EEF2: variants seen among roughly 807,000 people sequenced by gnomAD.
The protein encoded by EEF2 is elongation factor 2.
In EEF2, 21 loss-of-function variants were observed where a neutral mutation model predicts 85.3. The observed-to-expected ratio is 0.25, with a 90% CI of 0.17 to 0.35. The LOEUF (loss-of-function observed/expected upper bound fraction) is 0.35, where lower values mean the gene tolerates loss of function less well. EEF2 is among the 10% of genes least tolerant of loss of function. The pLI is 1.00. For missense variants in EEF2, 825 were observed against 1,225.3 expected (o/e 0.67, Z 4.88); for synonymous variants, 723 against 508.8 (o/e 1.42, Z -5.67).
chr19:3,984,438 C>T (rs2039793972), intron 1 of EEF2, 88 bp from the exon 2 acceptor site: 6 of 1,431,648 alleles, frequency 4.2e-6, no homozygotes, highest in Admixed American at 1.7e-5. Flanking sequence ...AACCAGCATG[C>T]CCAAGGCCAG....
Position 3,982,810 on chromosome 19 carries a change from G to C in EEF2, c.609C>G (p.Ile203Met). Residue 203 changes from isoleucine (I) to methionine (M), a missense_variant, in exon 4 of 15, where the codon ATC becomes ATG. Ile to Met is a conservative substitution (Grantham distance 10). Transcript: ENST00000309311. ...ACCCAGCTAGGGAGGGCCGTACCATGATGTTGCCCATGGGGCCGCTCTCGC... is the reference window on the plus strand; with the variant it reads ...ACCCAGCTAGGGAGGGCCGTACCATCATGTTGCCCATGGGGCCGCTCTCGC... Reference protein sequence around the residue: ...GEGESGPMGNIMIDPVLGTVG... With the variant: ...GEGESGPMGNMMIDPVLGTVG... The C allele has an allele frequency of 6.2e-7, 1 of 1,610,134 alleles. No homozygotes were observed. Among genetic ancestry groups the C allele is most frequent in the Non-Finnish European group, 8.5e-7 (1 of 1,178,938 alleles).
At position 3,982,000 on chromosome 19, in the gene EEF2, C is replaced by G; in HGVS notation, c.844G>C (p.Gly282Arg). Reference protein sequence around the residue: ...KFSKSATSPEGKKLPRTFCQL... With the variant: ...KFSKSATSPERKKLPRTFCQL... ...CAGAAGGTGCGTGGCAGCTTCTTCC[C>G]TTCGGGGCTGGTGGCTGACTTGCTG... The change falls in exon 6 of 15, where the codon GGG becomes CGG. Residue 282 changes from glycine to arginine, a missense_variant. Gly to Arg is a moderately radical substitution (Grantham distance 125, BLOSUM62 -2). Transcript: ENST00000309311. 6.2e-7 allele frequency: 1 copy of G among 1,614,180 alleles called. No homozygotes were observed. The highest frequency in any genetic ancestry group is 8.5e-7 in the Non-Finnish European group (1 of 1,180,024).
intron 11 of EEF2, among the ~76,000 whole-genome samples, chr19:3,978,896 G>A (rs1272187122): frequency 6.7e-6 from 1 of 148,900 alleles, no homozygotes; most frequent in East Asian, 2.0e-4. Flanking sequence ...CCGAGGCAGG[G>A]GGATCACGAG....
At chr19:3,978,802 TCAAAAAAAAA>T in intron 11 of EEF2, among the ~76,000 whole-genome samples, 1 of 4,584 alleles carries the variant, frequency 2.2e-4, no homozygotes, top group African/African-American at 1.5e-3. Context: ...GACTCTTGTC[TCAAAAAAAAA>T]AAAAAAAAAA....
At chr19:3,980,174 G>A (rs1275308482) in intron 9 of EEF2, 108 bp from the exon 10 acceptor site, 3 of 1,467,902 alleles carry the variant, frequency 2.0e-6, no homozygotes, top group Non-Finnish European at 2.7e-6. Flanking sequence ...CAGGTCCCAG[G>A]GCAGACTGGT....
intron 4 of EEF2, 182 bp from the exon 5 acceptor site, chr19:3,982,606 G>C: frequency 9.5e-7 from 1 of 1,050,374 alleles, no homozygotes; most frequent in South Asian, 1.4e-5. Context: ...CCAGGGCAGC[G>C]TTCCCTGAGC....
chr19:3,982,758 T>A, intron 4 of EEF2, 49 bp downstream of exon 4: 1 of 1,567,894 alleles, frequency 6.4e-7, no homozygotes, highest in South Asian at 1.1e-5. Context: ...CACCGGCTCC[T>A]GCAGATCCCG....
At position 3,976,128 on chromosome 19, in the gene EEF2, G is replaced by A. The variant is rs1568197616; in HGVS notation, c.*426C>T. On this transcript the variant is annotated 3_prime_UTR_variant, in exon 15 of 15. Transcript: ENST00000309311. ...AGGTGCTCATGGTGACACCGCACAG[G>A]ACTTCCTGCCTGCTAGAAATCATCT... is the stretch of plus-strand genomic sequence containing the variant. 4.5e-6 allele frequency: 1 copy of A among 219,912 alleles called. No individual in the cohort carries two copies. Among genetic ancestry groups the A allele is most frequent in the Non-Finnish European group, 9.2e-6 (1 of 108,388 alleles). 13.6% of individuals were successfully genotyped at this position (219,912 alleles called of 1,614,324 possible).
rs966682807 is a variant in EEF2, at chr19:3,982,010, G to A, written c.834C>T (p.Thr278=). ...GTGGCAGCTTCTTCCCTTCGGGGCT[G>A]GTGGCTGACTTGCTGAACTTGCCGT... is the stretch of plus-strand genomic sequence containing the variant. The part of the protein sequence containing the change: ...PANGKFSKSA[T]SPEGKKLPRT... Residue 278 remains threonine, a synonymous_variant, in exon 6 of 15, where the codon ACC becomes ACT. Transcript: ENST00000309311. 3.7e-6 allele frequency: 6 copies of A among 1,614,076 alleles called. No homozygotes were observed. Among genetic ancestry groups the A allele is most frequent in the East Asian group, 4.5e-5 (2 of 44,894 alleles).
At position 3,985,359 on chromosome 19, in the gene EEF2, G is replaced by A; in HGVS notation, c.3+19C>T. ...GCCCCGCCGCCGCTCCGGGGCACCA[G>A]CGAGGCAGGGTTACTCACCATGGTG... On this transcript the variant is annotated intron_variant, in intron 1 of 14. Transcript: ENST00000309311. 3 of 1,479,556 alleles carry A rather than the reference G, an allele frequency of 2.0e-6. No homozygotes were observed. The highest frequency in any genetic ancestry group is 1.8e-6 in the Non-Finnish European group (2 of 1,108,192). 91.7% of individuals were successfully genotyped at this position (1,479,556 alleles called of 1,614,324 possible).
At chr19:3,981,116 C>T (rs965717241) in intron 7 of EEF2, 137 bp from the exon 8 acceptor site, 10 of 1,385,528 alleles carry the variant, frequency 7.2e-6, no homozygotes, top group African/African-American at 5.8e-5. Flanking sequence ...TTCTGGAAGG[C>T]GGCAAAGGCC....
chr19:3,984,444 G>A (rs1047811502), intron 1 of EEF2, 94 bp from the exon 2 acceptor site: 11 of 1,374,670 alleles, frequency 8.0e-6, no homozygotes, highest in African/African-American at 1.4e-5. Flanking sequence ...CATGCCCAAG[G>A]CCAGGAGGGG....
At position 3,982,422 on chromosome 19, in the gene EEF2, G is replaced by A. The variant is rs375130935; in HGVS notation, c.615C>T (p.Ile205=). The change falls in exon 5 of 15, where the codon ATC becomes ATT. Residue 205 remains isoleucine, a splice_region_variant and synonymous_variant. Transcript: ENST00000309311. ...GESGPMGNIM[I]DPVLGTVGFG... Reference sequence around the variant, plus strand: ...AGCCCACGGTACCGAGGACAGGATCGATCTGGAAGTGTGAGAAACGAGAAG... The same window carrying A: ...AGCCCACGGTACCGAGGACAGGATCAATCTGGAAGTGTGAGAAACGAGAAG... 1.4e-5 allele frequency: 22 copies of A among 1,613,920 alleles called. No individual in the cohort carries two copies. Among genetic ancestry groups the A allele is most frequent in the South Asian group, 4.4e-5 (4 of 91,090 alleles).
chr19:3,984,303 G>A lies in EEF2; in HGVS notation c.51C>T (p.Ala17=), dbSNP rs1347482144. The part of the protein sequence containing the change: ...DQIRAIMDKK[A]NIRNMSVIAH... Reference sequence around the variant, plus strand: ...CGATGACAGACATGTTGCGGATGTTGGCCTTCTTGTCCATGATGGCGCGGA... The same window carrying A: ...CGATGACAGACATGTTGCGGATGTTAGCCTTCTTGTCCATGATGGCGCGGA... The change falls in exon 2 of 15, where the codon GCC becomes GCT. Residue 17 remains alanine (A), a synonymous_variant. Coordinates refer to ENST00000309311, the MANE Select transcript of EEF2 (RefSeq NM_001961.4). 1.9e-6 allele frequency: 3 copies of A among 1,614,192 alleles called. No homozygotes were observed. Among genetic ancestry groups the A allele is most frequent in the Non-Finnish European group, 2.5e-6 (3 of 1,180,022 alleles).
chr19:3,982,052 C>T lies in EEF2; in HGVS notation c.792G>A (p.Arg264=). ...EDMMKKLWGD[R]YFDPANGKFS... The stretch of plus-strand genomic sequence containing the variant: ...ACTTGCCGTTGGCTGGGTCAAAGTA[C>T]CTGGCAAGGAGAGGCCAAGCCAAAT... Residue 264 remains arginine (R), a splice_region_variant and synonymous_variant, in exon 6 of 15, where the codon AGG becomes AGA. Coordinates refer to ENST00000309311, the MANE Select transcript of EEF2 (RefSeq NM_001961.4). The T allele has an allele frequency of 3.1e-6, 5 of 1,614,106 alleles. No individual in the cohort carries two copies. In the South Asian group the frequency reaches 4.4e-5, roughly 14 times the overall value.
rs777167717 is a variant in EEF2 at position 3,978,101 on chromosome 19, G to C, written c.1785C>G (p.Ser595=). The change falls in exon 12 of 15, where the codon TCC becomes TCG. Residue 595 remains serine, a synonymous_variant. Transcript: ENST00000309311. ...EESNVLCLSK[S]PNKHNRLYMK... ...TGTACAGCCGGTTGTGCTTGTTGGG[G>C]GACTTGGAGAGGCAGAGCACGTTCG... 2.2e-5 allele frequency: 33 copies of C among 1,530,750 alleles called. No individual in the cohort carries two copies. In the Middle Eastern group the frequency reaches 2.6e-3, roughly 120 times the overall value. The allele number at this position is 1,530,750 out of a possible 1,614,324, so 94.8% of individuals were successfully genotyped here.
At chr19:3,982,475 T>C in intron 4 of EEF2, 51 bp from the exon 5 acceptor site, 1 of 1,609,426 alleles carries the variant, frequency 6.2e-7, no homozygotes. Context: ...GCGCAGAGCC[T>C]GAAGCTACGG....
In EEF2 at chr19:3,980,989, C is replaced by T; in HGVS notation, c.1012-10G>A. 1 of 1,566,376 alleles carries T rather than the reference C, an allele frequency of 6.4e-7. No homozygotes were observed. ...AGCGGCGCATCACAGCCTGCGGGGG[C>T]AGAGAGCGGTGCATGAGACACCTGG... On this transcript the variant is annotated splice_polypyrimidine_tract_variant and intron_variant, in intron 7 of 14. Coordinates refer to ENST00000309311, the MANE Select transcript of EEF2 (RefSeq NM_001961.4).
rs747539895 is a variant in EEF2, at chr19:3,982,801, C to G, written c.612+6G>C. 6.2e-7 allele frequency: 1 copy of G among 1,607,244 alleles called. No homozygotes were observed. Among genetic ancestry groups the G allele is most frequent in the South Asian group, 1.1e-5 (1 of 90,202 alleles). ...AAGCCCACCACCCAGCTAGGGAGGG[C>G]CGTACCATGATGTTGCCCATGGGGC... On this transcript the variant is annotated splice_donor_region_variant and intron_variant, in intron 4 of 14. Coordinates refer to ENST00000309311, the MANE Select transcript of EEF2 (RefSeq NM_001961.4).
Sources: gnomAD v4.1 joint callset for allele counts (sites outside exome capture counted in the v4.1 genomes callset) on GRCh38, gnomAD v4.1.1 for gene constraint, MANE v1.5 for transcripts, NCBI Gene and HGNC (gene_info 2026-07-23, HGNC 2026-07-21) for gene names.